Variants in MACF1 observed in about 807,000 individuals in gnomAD.
MACF1 encodes microtubule-actin cross-linking factor 1.
Under a neutral mutation model 854.8 loss-of-function variants are expected in MACF1, and 193 were observed. That is an observed-to-expected ratio of 0.23 (90% CI 0.20 to 0.25). The LOEUF (loss-of-function observed/expected upper bound fraction) is 0.25. MACF1 is among the 10% of genes least tolerant of loss of function. The pLI, the probability that MACF1 is intolerant of heterozygous loss-of-function variation, is 1.00. For synonymous variants in MACF1, 3,185 were observed against 3,226.7 expected (o/e 0.99, Z 0.44); for missense variants, 7,722 against 8,929.1 (o/e 0.86, Z 5.45).
chr1:39,257,375 T>C (rs1645108961), intron 5 of MACF1, among the ~76,000 whole-genome samples: 1 of 152,014 alleles, frequency 6.6e-6, no homozygotes, highest in Non-Finnish European at 1.5e-5. Flanking sequence ...CAATCTCTGC[T>C]CACTGCAAGC....
chr1:39,438,003 C>T lies in MACF1; in HGVS notation c.18215C>T (p.Ala6072Val). ...CAGGGAGCAGACAAGGATCTGGCTG[C>T]AAAAGGTGCTTGATGATTGTCATTA... ...RSQGADKDLA[A>V]KEIQDKLDQM... is the part of the protein sequence containing the mutation. Residue 6072 changes from alanine to valine, a missense_variant, in exon 71 of 101, where the codon GCA becomes GTA. Ala to Val is a moderately conservative substitution (Grantham distance 64). Around this residue, in one of 15 missense-constraint regions of MACF1, gnomAD observed 2,807 missense variants for 3,235.8 expected, o/e 0.87. Transcript: ENST00000564288. 6.2e-7 allele frequency: 1 copy of T among 1,613,518 alleles called. No homozygotes were observed. The highest frequency in any genetic ancestry group is 8.5e-7 in the Non-Finnish European group (1 of 1,179,750).
Position 39,435,615 on chromosome 1 carries a change from G to A in MACF1, c.17842G>A (p.Gly5948Ser). The A allele has an allele frequency of 6.2e-7, 1 of 1,614,078 alleles. No homozygotes were observed. The highest frequency in any genetic ancestry group is 8.5e-7 in the Non-Finnish European group (1 of 1,179,986). The change falls in exon 70 of 101, where the codon GGC becomes AGC. Residue 5948 changes from glycine to serine, a missense_variant. Around this residue, in one of 15 missense-constraint regions of MACF1, gnomAD observed 2,807 missense variants for 3,235.8 expected, o/e 0.87. Coordinates refer to ENST00000564288, the MANE Select transcript of MACF1 (RefSeq NM_001394062.1). ...KPHIDKLLKIGPQLKELNPEE... is the reference protein window; with the variant it reads ...KPHIDKLLKISPQLKELNPEE... ...TCATATTGACAAACTACTAAAGATAGGCCCACAACTAAAGGAATTAAACCC... is the reference window on the plus strand; with the variant it reads ...TCATATTGACAAACTACTAAAGATAAGCCCACAACTAAAGGAATTAAACCC...
At chr1:39,216,867 A>G (rs1033872678) in intron 1 of MACF1, among the ~76,000 whole-genome samples, 5 of 152,094 alleles carry the variant, frequency 3.3e-5, no homozygotes, top group Admixed American at 6.6e-5. Context: ...ATGTAGCCCC[A>G]TCTCCCCCAA....
intron 43 of MACF1, among the ~76,000 whole-genome samples, chr1:39,351,253 T>C (rs1218177858): frequency 6.6e-6 from 1 of 152,098 alleles, no homozygotes; most frequent in East Asian, 1.9e-4. Flanking sequence ...TTCAAGTGAT[T>C]CTCCTGCCTC....
intron 16 of MACF1, 128 bp from the exon 17 acceptor site, chr1:39,292,638 G>A (rs560065700): frequency 1.5e-6 from 1 of 661,964 alleles, no homozygotes; most frequent in African/African-American, 1.8e-5. Context: ...TGTTGTCTAA[G>A]CTTCTGTTTT....
intron 58 of MACF1, among the ~76,000 whole-genome samples, chr1:39,395,874 A>C (rs192157099): frequency 3.6e-4 from 55 of 152,358 alleles, no homozygotes; most frequent in Non-Finnish European, 6.8e-4. Context: ...TTGTATTTTA[A>C]ATATCAGTGT....
Position 39,249,994 on chromosome 1 carries a change from TGTTTCACTCTC to T in MACF1, c.172-19_172-9del. 1 of 1,454,506 alleles carries T rather than the reference TGTTTCACTCTC, an allele frequency of 6.9e-7. No homozygotes were observed. Among genetic ancestry groups the T allele is most frequent in the South Asian group, 1.2e-5 (1 of 85,824 alleles). The allele number at this position is 1,454,506 out of a possible 1,614,324, so 90.1% of individuals were successfully genotyped here. On this transcript the variant is annotated splice_polypyrimidine_tract_variant and intron_variant, in intron 2 of 100. Transcript: ENST00000564288. The stretch of plus-strand genomic sequence containing the variant: ...ATTCAATATCAAATAAAAATCTGTC[TGTTTCACTCTC>T]ATTCACAGGTCCGCAAGCACATCAA...
chr1:39,334,219 A>T lies in MACF1; in HGVS notation c.7631A>T (p.His2544Leu), dbSNP rs150706108. 5.9e-4 allele frequency: 952 copies of T among 1,614,150 alleles called. 8 individuals carry two copies. The African/African-American group carries it at 0.011, about 19-fold the overall frequency. The stretch of plus-strand genomic sequence containing the variant: ...AAAAGAGTTGAGAACTTAAACATCC[A>T]TCAGATTTTTAATCCTGAAACGAAG... The part of the protein sequence containing the change: ...KLKRVENLNI[H>L]QIFNPETKEN... Residue 2544 changes from histidine (H) to leucine (L), a missense_variant, in exon 37 of 101, where the codon CAT (histidine) becomes CTT (leucine). Coordinates refer to ENST00000564288, the MANE Select transcript of MACF1 (RefSeq NM_001394062.1).
chr1:39,402,165 T>G (rs1642502332), intron 58 of MACF1, among the ~76,000 whole-genome samples: 1 of 152,154 alleles, frequency 6.6e-6, no homozygotes, highest in Non-Finnish European at 1.5e-5. Flanking sequence ...TGAGCCAAGA[T>G]CGCACCATTG....
intron 6 of MACF1, among the ~76,000 whole-genome samples, chr1:39,277,282 T>C (rs2148371490): frequency 6.6e-6 from 1 of 152,266 alleles, no homozygotes; most frequent in East Asian, 1.9e-4. Flanking sequence ...AAGTAGACAG[T>C]ATTTTCTAGA....
intron 2 of MACF1, among the ~76,000 whole-genome samples, chr1:39,177,961 T>C (rs1644053033): frequency 6.6e-6 from 1 of 152,070 alleles, no homozygotes; most frequent in Admixed American, 6.6e-5. Flanking sequence ...TGGGTGGTAG[T>C]TATTTCAATC....
intron 2 of MACF1, among the ~76,000 whole-genome samples, chr1:39,186,986 A>ATT (rs11427661): frequency 0.17 from 22,289 of 134,382 alleles, 2,123 homozygotes; most frequent in Middle Eastern, 0.24. Flanking sequence ...GTGATTCTTG[A>ATT]TTTTTTTTTT....
intron 65 of MACF1, 45 bp from the exon 66 acceptor site, chr1:39,430,657 C>T (rs1643863899): frequency 6.6e-7 from 1 of 1,513,392 alleles, no homozygotes; most frequent in South Asian, 1.1e-5. Context: ...TGCTGATGTG[C>T]TTTATTTAGC....
intron 54 of MACF1, among the ~76,000 whole-genome samples, chr1:39,379,894 A>C (rs944153142): frequency 6.6e-6 from 1 of 152,228 alleles, no homozygotes; most frequent in African/African-American, 2.4e-5. Context: ...CCTGTAGGCA[A>C]GTTTCACCAA....
rs575632670 is a variant in MACF1 at position 39,434,349 on chromosome 1, CT to C, written c.17566-58del. The C allele has an allele frequency of 6.8e-5, 62 of 912,048 alleles. No individual in the cohort carries two copies. In the African/African-American group the frequency reaches 8.6e-4, roughly 13 times the overall value. 56.5% of individuals were successfully genotyped at this position (912,048 alleles called of 1,614,324 possible). A position where few individuals can be genotyped will look rare whatever the true frequency, so the allele number is the denominator to read the frequency against. ...AGACTTTTTAATGTATATATACCTA[CT>C]TTTTTTCTTAAGAGTTTATAATAGT... is the stretch of plus-strand genomic sequence containing the variant. On this transcript the variant is annotated intron_variant, in intron 68 of 100. Coordinates refer to ENST00000564288, the MANE Select transcript of MACF1 (RefSeq NM_001394062.1).
At chr1:39,347,977 T>C (rs998373332) in intron 41 of MACF1, among the ~76,000 whole-genome samples, 2 of 152,236 alleles carry the variant, frequency 1.3e-5, no homozygotes, top group African/African-American at 4.8e-5. Context: ...ATGATGTTCA[T>C]GCCATTTCTG....
At chr1:39,199,749 C>A, upstream of MACF1, among the ~76,000 whole-genome samples, 1 of 152,184 alleles carries the variant, frequency 6.6e-6, no homozygotes. Context: ...TTCTCCACAG[C>A]AAGGGGTGTG....
At chr1:39,396,881 G>C (rs2148586239) in intron 58 of MACF1, among the ~76,000 whole-genome samples, 1 of 152,270 alleles carries the variant, frequency 6.6e-6, no homozygotes, top group Non-Finnish European at 1.5e-5. Context: ...ACCCAGCTAT[G>C]GGTAGAATGT....
intron 52 of MACF1, among the ~76,000 whole-genome samples, chr1:39,375,724 G>A (rs1015037414): frequency 2.0e-5 from 3 of 152,216 alleles, no homozygotes; most frequent in African/African-American, 7.2e-5. Context: ...GTCAGAACAG[G>A]CTTTGATTGA....
Sources: gnomAD v4.1 joint callset for allele counts (sites outside exome capture counted in the v4.1 genomes callset) on GRCh38, gnomAD v4.1.1 for gene constraint, gnomAD v4.1.1 regional missense constraint, MANE v1.5 for transcripts, NCBI Gene and HGNC (gene_info 2026-07-23, HGNC 2026-07-21) for gene names.